Variants in KAZN observed in about 807,000 individuals in gnomAD.
The protein encoded by KAZN is kazrin, periplakin interacting protein.
In KAZN, 40 loss-of-function variants were observed where a neutral mutation model predicts 87.4. That is an observed-to-expected ratio of 0.46 (90% CI 0.36 to 0.60). KAZN has a LOEUF of 0.60. Among genes scored for constraint, KAZN ranks in the 20% least tolerant of loss-of-function variants. KAZN has a pLI of 0.00. For missense variants in KAZN, 898 were observed against 1,073.9 expected (o/e 0.84, Z 2.29); for synonymous variants, 466 against 458.3 (o/e 1.02, Z -0.22).
At chr1:14,579,954 T>C (rs1489110622) in intron 2 of KAZN, among the ~76,000 whole-genome samples, 1 of 151,788 alleles carries the variant, frequency 6.6e-6, no homozygotes, top group African/African-American at 2.4e-5. Flanking sequence ...GGACATCATA[T>C]AGACCTTTTG....
intron 1 of KAZN, among the ~76,000 whole-genome samples, chr1:14,157,239 A>G (rs1194130930): frequency 6.6e-6 from 1 of 152,058 alleles, no homozygotes; most frequent in Non-Finnish European, 1.5e-5. Flanking sequence ...TGATTGTTTC[A>G]TTATTTAGTC....
intron 2 of KAZN, among the ~76,000 whole-genome samples, chr1:14,567,118 T>G (rs1368018028): frequency 6.6e-6 from 1 of 152,208 alleles, no homozygotes; most frequent in Non-Finnish European, 1.5e-5. Flanking sequence ...TTTCTAGTTT[T>G]TTATTTAAAG....
chr1:14,903,146 G>C (rs1188780538), intron 1 of KAZN, among the ~76,000 whole-genome samples: 2 of 152,094 alleles, frequency 1.3e-5, no homozygotes, highest in East Asian at 3.9e-4. Flanking sequence ...TGGGATTACA[G>C]GTGTGAGCCA....
At chr1:14,288,288 G>T (rs1279787800) in intron 2 of KAZN, among the ~76,000 whole-genome samples, 3 of 152,158 alleles carry the variant, frequency 2.0e-5, no homozygotes, top group Non-Finnish European at 4.4e-5. Flanking sequence ...GGTAGAATTT[G>T]GCTGTGTATC....
At chr1:14,344,898 A>G (rs1013438725) in intron 2 of KAZN, among the ~76,000 whole-genome samples, 1 of 149,982 alleles carries the variant, frequency 6.7e-6, no homozygotes, top group Admixed American at 6.6e-5. Flanking sequence ...ACAAACACAC[A>G]CCATTGCCAT....
At chr1:14,598,215 G>A (rs1676634790), upstream of KAZN, among the ~76,000 whole-genome samples, 2 of 152,152 alleles carry the variant, frequency 1.3e-5, no homozygotes, top group South Asian at 4.1e-4. The surrounding 1 kb of genome is among the most constrained non-coding windows in gnomAD (Gnocchi z 4.2). Flanking sequence ...TGAGAGGCAC[G>A]CGGGGCACCA....
chr1:14,435,661 G>A (rs1346214506), intron 2 of KAZN, among the ~76,000 whole-genome samples: 1 of 152,240 alleles, frequency 6.6e-6, no homozygotes, highest in Non-Finnish European at 1.5e-5. Context: ...GCTGAAGGCA[G>A]CAGTTAAGAG....
intron 1 of KAZN, among the ~76,000 whole-genome samples, chr1:14,173,535 G>A (rs1296834080): frequency 2.6e-5 from 4 of 152,176 alleles, no homozygotes; most frequent in Admixed American, 2.0e-4. Flanking sequence ...ACACAGCCAA[G>A]CAGATTGAAT....
rs188862049 is a variant in KAZN at position 13,978,068 on chromosome 1, C to T, written c.91+84312C>T. On this transcript the variant is annotated intron_variant, in intron 1 of 16. Coordinates refer to the KAZN transcript ENST00000636203. ...GCGTGAACCTGGGAGGCGGAGGTTG[C>T]AGTGAGCCGAGATCGTGCCACTGCA... Among the ~76,000 whole-genome samples, 529 of 131,292 alleles carry T rather than the reference C, an allele frequency of 4.0e-3. 2 individuals carry two copies. The highest frequency in any genetic ancestry group is 4.9e-3 in the Non-Finnish European group (319 of 65,732). The allele number at this position is 131,292 out of a possible 152,430, so 86.1% of individuals were successfully genotyped here.
At chr1:14,339,579 A>C (rs867976181) in intron 2 of KAZN, among the ~76,000 whole-genome samples, 1 of 152,286 alleles carries the variant, frequency 6.6e-6, no homozygotes, top group African/African-American at 2.4e-5. Context: ...AGCAGGAAAA[A>C]AACTGATATT....
At chr1:14,608,336 C>T (rs925889799) in intron 1 of KAZN, among the ~76,000 whole-genome samples, 2 of 152,182 alleles carry the variant, frequency 1.3e-5, no homozygotes, top group Non-Finnish European at 2.9e-5. Flanking sequence ...ATCTTGGACT[C>T]ACAGCCTCAT....
At chr1:14,756,382 G>A (rs1024661494) in intron 1 of KAZN, among the ~76,000 whole-genome samples, 4 of 152,104 alleles carry the variant, frequency 2.6e-5, no homozygotes, top group African/African-American at 9.7e-5. Flanking sequence ...TCTTCTGTCA[G>A]CCCCCCTGCA....
At chr1:14,059,737 C>T (rs939305960) in intron 1 of KAZN, among the ~76,000 whole-genome samples, 4 of 152,316 alleles carry the variant, frequency 2.6e-5, no homozygotes, top group South Asian at 2.1e-4. Context: ...GTGCTATCCA[C>T]GATGCAAGGA....
At chr1:14,267,507 G>A (rs1218943253) in intron 2 of KAZN, among the ~76,000 whole-genome samples, 2 of 152,140 alleles carry the variant, frequency 1.3e-5, no homozygotes, top group African/African-American at 4.8e-5. Flanking sequence ...ATGGGAGGAT[G>A]TTCCTTGGTT....
chr1:14,246,669 G>A (rs1649544701), intron 2 of KAZN, among the ~76,000 whole-genome samples: 1 of 152,094 alleles, frequency 6.6e-6, no homozygotes, highest in South Asian at 2.1e-4. Flanking sequence ...TTACTCGATG[G>A]TGATGATTCC....
At chr1:14,299,372 A>G (rs1019697043) in intron 2 of KAZN, among the ~76,000 whole-genome samples, 25 of 152,056 alleles carry the variant, frequency 1.6e-4, no homozygotes, top group Admixed American at 2.6e-4. Flanking sequence ...GCGTGTTGGC[A>G]TGCACCTGTA....
At chr1:14,496,332 G>A (rs1669940634) in intron 2 of KAZN, among the ~76,000 whole-genome samples, 1 of 152,076 alleles carries the variant, frequency 6.6e-6, no homozygotes, top group South Asian at 2.1e-4. Flanking sequence ...TACAGAAATG[G>A]CACTGAGGAA....
intron 1 of KAZN, among the ~76,000 whole-genome samples, chr1:13,916,981 A>G (rs1639877192): frequency 6.6e-6 from 1 of 152,206 alleles, no homozygotes; most frequent in African/African-American, 2.4e-5. Flanking sequence ...AGGATTTTGA[A>G]CAAAGGAGGA....
chr1:14,433,865 C>CA (rs578048495), intron 2 of KAZN, among the ~76,000 whole-genome samples: 139 of 150,134 alleles, frequency 9.3e-4, no homozygotes, highest in African/African-American at 2.4e-3. Context: ...GTCTCAAAAA[C>CA]AAAAAAAAAG....
Sources: allele counts gnomAD v4.1 joint callset (sites outside exome capture counted in the v4.1 genomes callset), GRCh38; gene constraint gnomAD v4.1.1; non-coding constraint Gnocchi (gnomAD v3.1); transcripts MANE v1.5; gene names NCBI Gene and HGNC (gene_info 2026-07-23, HGNC 2026-07-21).